CCSER1: variants seen among roughly 807,000 people sequenced by gnomAD.
CCSER1 encodes serine-rich coiled-coil domain-containing protein 1.
In CCSER1, 41 loss-of-function variants were observed where a neutral mutation model predicts 82.0. That is an observed-to-expected ratio of 0.50 (90% CI 0.39 to 0.65). The LOEUF (loss-of-function observed/expected upper bound fraction) is 0.65. CCSER1 is among the 30% of genes least tolerant of loss of function. The pLI, the probability that CCSER1 is intolerant of heterozygous loss-of-function variation, is 0.00. For missense variants in CCSER1, 1,119 were observed against 1,064.2 expected (o/e 1.05, Z -0.72); for synonymous variants, 414 against 383.9 (o/e 1.08, Z -0.92).
chr4:91,243,439 T>G (rs1232453478), intron 10 of CCSER1, among the ~76,000 whole-genome samples: 1 of 152,166 alleles, frequency 6.6e-6, no homozygotes, highest in Non-Finnish European at 1.5e-5. Flanking sequence ...CTGGCACAGC[T>G]AAGGGAGTGC....
At chr4:90,644,079 G>A (rs1158770196) in intron 6 of CCSER1, among the ~76,000 whole-genome samples, 2 of 152,096 alleles carry the variant, frequency 1.3e-5, no homozygotes, top group African/African-American at 4.8e-5. Context: ...TGAGCCTCAC[G>A]TTTGTTGCAG....
At chr4:90,588,790 C>T (rs1265132007) in intron 5 of CCSER1, among the ~76,000 whole-genome samples, 1 of 152,152 alleles carries the variant, frequency 6.6e-6, no homozygotes, top group African/African-American at 2.4e-5. Flanking sequence ...GCTTGGCTCT[C>T]ATTTCTGTCT....
intron 5 of CCSER1, among the ~76,000 whole-genome samples, chr4:90,577,230 C>A (rs1780872154): frequency 1.3e-5 from 2 of 151,992 alleles, no homozygotes; most frequent in Admixed American, 6.6e-5. Flanking sequence ...AATGGGGTTA[C>A]TTTTCTTCTC....
intron 8 of CCSER1, among the ~76,000 whole-genome samples, chr4:90,816,590 GAAAT>G (rs1222587859): frequency 1.3e-5 from 2 of 151,866 alleles, no homozygotes; most frequent in Non-Finnish European, 2.9e-5. Flanking sequence ...TAAATAGAAA[GAAAT>G]AAGAAGAGAT....
intron 1 of CCSER1, among the ~76,000 whole-genome samples, chr4:90,188,065 A>C (rs1734942218): frequency 6.6e-6 from 1 of 151,872 alleles, no homozygotes; most frequent in African/African-American, 2.4e-5. Flanking sequence ...TGAAGCAGTT[A>C]AGTAGTAGTA....
At chr4:91,084,655 C>CAT (rs1723175234) in intron 9 of CCSER1, among the ~76,000 whole-genome samples, 1 of 152,102 alleles carries the variant, frequency 6.6e-6, no homozygotes, top group Admixed American at 6.6e-5. Flanking sequence ...TTCTTTGTCA[C>CAT]ATATAATTTA....
chr4:91,524,713 A>C (rs980766444), intron 10 of CCSER1, among the ~76,000 whole-genome samples: 1 of 152,206 alleles, frequency 6.6e-6, no homozygotes, highest in African/African-American at 2.4e-5. Flanking sequence ...TACAACAATT[A>C]GCCAAGAGTG....
At chr4:90,280,501 T>A (rs1728666842) in intron 1 of CCSER1, among the ~76,000 whole-genome samples, 1 of 152,008 alleles carries the variant, frequency 6.6e-6, no homozygotes, top group African/African-American at 2.4e-5. Flanking sequence ...ATTGCAGGAC[T>A]GTGCTGTTTC....
intron 10 of CCSER1, among the ~76,000 whole-genome samples, chr4:91,408,868 T>A (rs1012687338): frequency 1.3e-5 from 2 of 152,320 alleles, no homozygotes; most frequent in South Asian, 4.1e-4. Context: ...TATGATGAAT[T>A]TCAGATGAGT....
intron 10 of CCSER1, among the ~76,000 whole-genome samples, chr4:91,377,955 A>T (rs1009477051): frequency 2.0e-5 from 3 of 152,040 alleles, no homozygotes; most frequent in Non-Finnish European, 2.9e-5. Flanking sequence ...TCCAGTTTCA[A>T]CTTTCTACAT....
chr4:90,279,341 A>G (rs1728486171), intron 1 of CCSER1, among the ~76,000 whole-genome samples: 1 of 152,080 alleles, frequency 6.6e-6, no homozygotes, highest in Non-Finnish European at 1.5e-5. Context: ...AGATAAGAAT[A>G]AGAATATGGA....
At chr4:91,335,238 C>CA (rs1286351769) in intron 10 of CCSER1, among the ~76,000 whole-genome samples, 1 of 151,986 alleles carries the variant, frequency 6.6e-6, no homozygotes. Flanking sequence ...AAACTGAGGG[C>CA]AAAATGTATT....
chr4:90,919,289 G>T (rs1043269287), intron 8 of CCSER1, among the ~76,000 whole-genome samples: 1 of 151,774 alleles, frequency 6.6e-6, no homozygotes, highest in Admixed American at 6.6e-5. Flanking sequence ...AAGAGTTATA[G>T]TATCTTTGCA....
rs142139484 is a variant in CCSER1, at chr4:90,423,062, A to G, written c.1603+22933A>G. 2.6e-5 allele frequency among the ~76,000 whole-genome samples: 4 copies of G among 152,266 alleles called. No individual in the cohort carries two copies. In the East Asian group the frequency reaches 5.8e-4, roughly 22 times the overall value. On this transcript the variant is annotated intron_variant, in intron 4 of 10. Coordinates refer to ENST00000509176, the MANE Select transcript of CCSER1 (RefSeq NM_001145065.2). ...CTGAAAGATCTAGTTTTTTTCACAT[A>G]TCTTGGCATCAATAGTAACTTGGGC...
At chr4:90,669,833 A>G (rs1221199270) in intron 6 of CCSER1, among the ~76,000 whole-genome samples, 1 of 152,152 alleles carries the variant, frequency 6.6e-6, no homozygotes, top group Non-Finnish European at 1.5e-5. Context: ...GTTCAATGAG[A>G]AAAAAGAGCT....
At chr4:91,375,926 A>G (rs531302362) in intron 10 of CCSER1, among the ~76,000 whole-genome samples, 19 of 152,110 alleles carry the variant, frequency 1.2e-4, no homozygotes, top group Non-Finnish European at 2.5e-4. Context: ...TTAGATCCCT[A>G]CTTTACAGGT....
chr4:91,124,191 AT>A (rs1453464060), intron 10 of CCSER1, among the ~76,000 whole-genome samples: 2 of 151,766 alleles, frequency 1.3e-5, no homozygotes, highest in Non-Finnish European at 3.0e-5. Flanking sequence ...TTTTCTAAAT[AT>A]TGGTAAACTA....
intron 10 of CCSER1, among the ~76,000 whole-genome samples, chr4:91,092,947 C>T (rs540426768): frequency 4.1e-4 from 62 of 152,312 alleles, no homozygotes; most frequent in African/African-American, 1.5e-3. Context: ...GGTTTCCATA[C>T]TGCCTCTAAT....
At chr4:91,406,477 G>A (rs1248467423) in intron 10 of CCSER1, among the ~76,000 whole-genome samples, 2 of 152,006 alleles carry the variant, frequency 1.3e-5, no homozygotes, top group East Asian at 1.9e-4. Context: ...ATAATATGTC[G>A]ACTCTTTAAA....
Sources: allele counts gnomAD v4.1 joint callset (sites outside exome capture counted in the v4.1 genomes callset), GRCh38; gene constraint gnomAD v4.1.1; transcripts MANE v1.5; gene names NCBI Gene and HGNC (gene_info 2026-07-23, HGNC 2026-07-21).